The following HERC1 variants were observed in gnomAD, a reference collection of about 807,000 sequenced individuals.
HERC1 encodes HECT and RLD domain containing E3 ubiquitin protein ligase family member 1, also known as probable E3 ubiquitin-protein ligase HERC1.
HERC1 carries 160 observed loss-of-function variants against 554.3 expected under a neutral mutation model. The ratio of observed to expected loss-of-function variants is 0.29; its 90% CI spans 0.25 to 0.33. The LOEUF (loss-of-function observed/expected upper bound fraction) is 0.33, where lower values mean the gene tolerates loss of function less well. Among genes scored for constraint, HERC1 ranks in the 10% least tolerant of loss-of-function variants. The probability of loss-of-function intolerance (pLI) is 1.00; values close to 1 mark genes in which losing one functional copy is unlikely to be tolerated. For synonymous variants in HERC1, 2,175 were observed against 2,131.7 expected (o/e 1.02, Z -0.56); for missense variants, 4,919 against 5,918.5 (o/e 0.83, Z 5.54).
chr15:63,725,193 G>T, intron 18 of HERC1, 99 bp downstream of exon 18: 2 of 1,011,410 alleles, frequency 2.0e-6, no homozygotes, highest in Non-Finnish European at 2.9e-6. Context: ...TGTTGCAATT[G>T]GTGCCTGTCA....
intron 11 of HERC1, 57 bp downstream of exon 11, chr15:63,747,667 T>A: frequency 9.7e-7 from 1 of 1,031,390 alleles, no homozygotes; most frequent in Non-Finnish European, 1.4e-6. Flanking sequence ...TTTATACACA[T>A]GCACACACGC....
Position 63,645,632 on chromosome 15 carries a change from T to C in HERC1, c.10929A>G (p.Thr3643=), listed in dbSNP as rs759636444. The C allele has an allele frequency of 9.9e-6, 16 of 1,611,156 alleles. No individual in the cohort carries two copies. The highest frequency in any genetic ancestry group is 1.2e-5 in the Non-Finnish European group (14 of 1,178,626). ...KWDPTGHILM[T]CAKEDSVKLW... The stretch of plus-strand genomic sequence containing the variant: ...GTTTCACACTGTCTTCTTTGGCACA[T>C]GTCATAAGAATATGACCTGTAGGGT... Residue 3643 remains threonine, a synonymous_variant, in exon 56 of 78, where the codon ACA becomes ACG. Coordinates refer to ENST00000443617, the MANE Select transcript of HERC1 (RefSeq NM_003922.4).
At chr15:63,673,790 T>C (rs761449867) in intron 38 of HERC1, among the ~76,000 whole-genome samples, 2 of 152,242 alleles carry the variant, frequency 1.3e-5, no homozygotes, top group Non-Finnish European at 2.9e-5. Flanking sequence ...AGTGGCACAA[T>C]CTCGGCTCAC....
In HERC1 at chr15:63,656,373, A is replaced by G. The variant is rs1183473566; in HGVS notation, c.9600-15T>C. The G allele has an allele frequency of 2.5e-6, 4 of 1,600,662 alleles. No individual in the cohort carries two copies. Among genetic ancestry groups the G allele is most frequent in the Non-Finnish European group, 3.4e-6 (4 of 1,171,952 alleles). ...AACTGGAACCACTGCCAGTAAAGAA[A>G]AACATCTCAGATGGATAAAGAAAAT... On this transcript the variant is annotated splice_polypyrimidine_tract_variant and intron_variant, in intron 48 of 77. Coordinates refer to ENST00000443617, the MANE Select transcript of HERC1 (RefSeq NM_003922.4).
chr15:63,713,482 A>G lies in HERC1; in HGVS notation c.4334T>C (p.Val1445Ala). 6.2e-7 allele frequency: 1 copy of G among 1,614,020 alleles called. No individual in the cohort carries two copies. The highest frequency in any genetic ancestry group is 8.5e-7 in the Non-Finnish European group (1 of 1,179,896). Residue 1445 changes from valine to alanine, a missense_variant, in exon 23 of 78, where the codon GTG becomes GCG. This residue lies in a region of HERC1 where 1,121 missense variants were observed against 1,244.0 expected (regional missense o/e 0.90). Transcript: ENST00000443617. ...QDVYTAACNS[V>A]IHRCALLILG... ...TATTAACAGGGCACACCGATGGATC[A>G]CGGAGTTGCATGCAGCAGTGTACAC...
rs577325368 is a variant in HERC1, at chr15:63,778,952, A to G, written c.-26-3303T>C. On this transcript the variant is annotated intron_variant, in intron 1 of 77. Transcript: ENST00000443617. ...AGACAAAAAGAAAGAAAAAGAAGAA[A>G]AGGAAAGGAAGAAAGAAAGGGAAAG... 9.2e-5 allele frequency among the ~76,000 whole-genome samples: 14 copies of G among 152,226 alleles called. No homozygotes were observed. In the East Asian group the frequency reaches 1.7e-3, roughly 19 times the overall value.
Position 63,691,879 on chromosome 15 carries a change from C to T in HERC1, c.5830+532G>A, listed in dbSNP as rs79094360. On this transcript the variant is annotated intron_variant, in intron 31 of 77. Coordinates refer to ENST00000443617, the MANE Select transcript of HERC1 (RefSeq NM_003922.4). ...GATTAAAATGGCAAATTTCACGTTACGTGCATTTTACCACAATTTTAGCAA... is the reference window on the plus strand; with the variant it reads ...GATTAAAATGGCAAATTTCACGTTATGTGCATTTTACCACAATTTTAGCAA... Among the ~76,000 whole-genome samples, 1,453 of 152,240 alleles carry T rather than the reference C, an allele frequency of 9.5e-3. 30 individuals are homozygous for T. Among genetic ancestry groups the T allele is most frequent in the African/African-American group, 0.034 (1,395 of 41,538 alleles).
intron 1 of HERC1, among the ~76,000 whole-genome samples, chr15:63,805,978 C>A (rs2077126464): frequency 6.6e-6 from 1 of 151,620 alleles, no homozygotes; most frequent in Non-Finnish European, 1.5e-5. Context: ...AACCCAATTA[C>A]TTGCAGGCCC....
intron 1 of HERC1, among the ~76,000 whole-genome samples, chr15:63,785,744 G>A (rs1478320098): frequency 6.6e-6 from 1 of 151,942 alleles, no homozygotes; most frequent in Non-Finnish European, 1.5e-5. Context: ...ACTGCAGCCT[G>A]GTCAACAGAG....
intron 1 of HERC1, among the ~76,000 whole-genome samples, chr15:63,793,646 C>A (rs2076722115): frequency 6.6e-6 from 1 of 152,198 alleles, no homozygotes; most frequent in Non-Finnish European, 1.5e-5. Flanking sequence ...TATTCCTTTA[C>A]TTTCTTAATA....
At chr15:63,821,822 A>C (rs2077708902) in intron 1 of HERC1, among the ~76,000 whole-genome samples, 1 of 152,104 alleles carries the variant, frequency 6.6e-6, no homozygotes, top group Admixed American at 6.5e-5. Flanking sequence ...AGTTTACCAC[A>C]TGCTAGGGAC....
chr15:63,638,282 A>G (rs570063906), intron 63 of HERC1, 129 bp downstream of exon 63: 149 of 982,178 alleles, frequency 1.5e-4, no homozygotes, highest in African/African-American at 1.2e-3. Context: ...GCTATATATC[A>G]TGACTTTCTT....
intron 24 of HERC1, among the ~76,000 whole-genome samples, chr15:63,710,716 G>C (rs2073248909): frequency 6.6e-6 from 1 of 152,206 alleles, no homozygotes; most frequent in Admixed American, 6.5e-5. Flanking sequence ...GTCAGCACAG[G>C]CTTCATGGAA....
At position 63,734,374 on chromosome 15, in the gene HERC1, C is replaced by T. The variant is rs558014089; in HGVS notation, c.2646+350G>A. Among the ~76,000 whole-genome samples the T allele has an allele frequency of 1.3e-5, 2 of 152,210 alleles. No individual in the cohort carries two copies. Among genetic ancestry groups the T allele is most frequent in the East Asian group, 3.9e-4 (2 of 5,186 alleles). ...CTTTTTCCTAATAGTCATCTATACT[C>T]TTTATACAAACGATTTCAGACAAAG... On this transcript the variant is annotated intron_variant, in intron 13 of 77. Coordinates refer to ENST00000443617, the MANE Select transcript of HERC1 (RefSeq NM_003922.4). This position sits in a 1 kb window ranked among gnomAD's most constrained non-coding sequence, Gnocchi z 4.6.
At chr15:63,653,379 AC>A (rs2069815122) in intron 51 of HERC1, among the ~76,000 whole-genome samples, 1 of 151,236 alleles carries the variant, frequency 6.6e-6, no homozygotes, top group Non-Finnish European at 1.5e-5. Context: ...GGAGGCGGGG[AC>A]TACAGTGAGC....
At position 63,642,272 on chromosome 15, in the gene HERC1, T is replaced by C. The variant is rs116484115; in HGVS notation, c.11434-629A>G. On this transcript the variant is annotated intron_variant, in intron 59 of 77. Transcript: ENST00000443617. ...AGAATATTAAATTTGAAAGCCAAGA[T>C]ATATTTTGTATACTTAGTTAAATGT... is the stretch of plus-strand genomic sequence containing the variant. Among the ~76,000 whole-genome samples, 717 of 152,312 alleles carry C rather than the reference T, an allele frequency of 4.7e-3. 9 individuals carry two copies. Among genetic ancestry groups the C allele is most frequent in the African/African-American group, 0.017 (689 of 41,572 alleles).
chr15:63,818,133 G>A (rs1344124777), intron 1 of HERC1, among the ~76,000 whole-genome samples: 11 of 151,872 alleles, frequency 7.2e-5, no homozygotes, highest in Non-Finnish European at 1.2e-4. Flanking sequence ...CCAATTTATA[G>A]CTCTCTGTGA....
intron 1 of HERC1, among the ~76,000 whole-genome samples, chr15:63,830,831 T>G (rs2078127368): frequency 6.6e-6 from 1 of 152,206 alleles, no homozygotes; most frequent in Non-Finnish European, 1.5e-5. Flanking sequence ...CCCATTAATT[T>G]AGAGAGCCCG....
At chr15:63,646,544 G>A (rs1428030597) in intron 55 of HERC1, among the ~76,000 whole-genome samples, 1 of 150,840 alleles carries the variant, frequency 6.6e-6, no homozygotes, top group African/African-American at 2.4e-5. Context: ...GCTCACGCCC[G>A]TAATCCAAAC....
Sources: allele counts gnomAD v4.1 joint callset (sites outside exome capture counted in the v4.1 genomes callset), GRCh38; gene constraint gnomAD v4.1.1; regional missense constraint gnomAD v4.1.1; non-coding constraint Gnocchi (gnomAD v3.1); transcripts MANE v1.5; gene names NCBI Gene and HGNC (gene_info 2026-07-23, HGNC 2026-07-21).